The following HPS3 variants were observed in gnomAD, a reference collection of about 807,000 sequenced individuals.
The protein encoded by HPS3 is BLOC-2 complex member HPS3.
In HPS3, 79 loss-of-function variants were observed where a neutral mutation model predicts 110.9. That is an observed-to-expected ratio of 0.71 (90% CI 0.59 to 0.86). The LOEUF is 0.86. HPS3 is among the 40% of genes least tolerant of loss of function. The probability of loss-of-function intolerance (pLI) is 0.00; values close to 1 mark genes in which losing one functional copy is unlikely to be tolerated. For synonymous variants in HPS3, 428 were observed against 451.0 expected, an observed-to-expected ratio of 0.95 and a Z score of 0.65; for missense variants, 1,197 against 1,206.2, an observed-to-expected ratio of 0.99 and a Z score of 0.11.
At position 149,163,927 on chromosome 3, in the gene HPS3, CAGA is replaced by C; in HGVS notation, c.2571_2573del (p.Glu857del). Reference sequence around the variant, plus strand: ...GATTCTTTAGCTGATAAAAATTATACAGAAGATCTTTCAAAATTACAGGTAAGT... The same window carrying C: ...GATTCTTTAGCTGATAAAAATTATACAGATCTTTCAAAATTACAGGTAAGT... On this transcript the variant is annotated inframe_deletion, in exon 14 of 17. Transcript: ENST00000296051. 1 of 1,537,498 alleles carries C rather than the reference CAGA, an allele frequency of 6.5e-7. No individual in the cohort carries two copies. The highest frequency in any genetic ancestry group is 1.4e-5 in the African/African-American group (1 of 74,006).
intron 16 of HPS3, 23 bp downstream of exon 16, chr3:149,168,006 T>G: frequency 7.6e-7 from 1 of 1,313,288 alleles, no homozygotes; most frequent in Non-Finnish European, 1.1e-6. Context: ...TTTTTTTGCT[T>G]GATTATAAAC....
chr3:149,130,476 C>T (rs1179477011), intron 1 of HPS3: 2 of 155,310 alleles, frequency 1.3e-5, no homozygotes, highest in Admixed American at 6.3e-5. Context: ...CAGACTGCCC[C>T]CCTCTCTTCT....
At position 149,162,741 on chromosome 3, in the gene HPS3, T is replaced by C. The variant is rs1724001915; in HGVS notation, c.2344T>C (p.Trp782Arg). ...DTIPQLLVDFWEAQLVACLPD... is the reference protein window; with the variant it reads ...DTIPQLLVDFREAQLVACLPD... The stretch of plus-strand genomic sequence containing the variant: ...AATTCCTCAGCTCTTGGTAGACTTT[T>C]GGGAAGCTCAGCTAGTGGCATGTCT... Residue 782 changes from tryptophan (W) to arginine (R), a missense_variant, in exon 13 of 17, where the codon TGG becomes CGG. By Grantham distance (101) the Trp-to-Arg change is moderately radical (BLOSUM62 -3). Coordinates refer to ENST00000296051, the MANE Select transcript of HPS3 (RefSeq NM_032383.5). The C allele has an allele frequency of 6.2e-7, 1 of 1,613,940 alleles. No individual in the cohort carries two copies. The highest frequency in any genetic ancestry group is 1.3e-5 in the African/African-American group (1 of 74,912).
chr3:149,136,568 G>A (rs577146441), intron 1 of HPS3, among the ~76,000 whole-genome samples: 14 of 152,202 alleles, frequency 9.2e-5, no homozygotes, highest in African/African-American at 2.4e-4. Context: ...TAATTTGTTC[G>A]TTGTGTTGCC....
intron 10 of HPS3, 124 bp from the exon 11 acceptor site, chr3:149,159,922 C>A: frequency 1.4e-6 from 1 of 727,664 alleles, no homozygotes; most frequent in Non-Finnish European, 2.5e-6. Flanking sequence ...AAACATAATA[C>A]TATAATTTTA....
At chr3:149,169,480 G>A (rs1724764902) in intron 16 of HPS3, among the ~76,000 whole-genome samples, 2 of 152,222 alleles carry the variant, frequency 1.3e-5, no homozygotes. Flanking sequence ...TACATGCTTA[G>A]GAGTTTGGAT....
intron 11 of HPS3, 96 bp downstream of exon 11, chr3:149,160,375 T>G (rs558584515): frequency 1.2e-6 from 1 of 815,744 alleles, no homozygotes; most frequent in East Asian, 2.6e-5. Flanking sequence ...AGCTTATATA[T>G]TCTTGGTTGT....
Position 149,157,425 on chromosome 3 carries a change from G to T in HPS3, c.1585G>T (p.Val529Leu). The T allele has an allele frequency of 1.9e-6, 3 of 1,613,934 alleles. No individual in the cohort carries two copies. Among genetic ancestry groups the T allele is most frequent in the Non-Finnish European group, 2.5e-6 (3 of 1,179,886 alleles). Residue 529 changes from valine to leucine, a missense_variant, in exon 9 of 17, where the codon GTG becomes TTG. Physicochemically the swap from Val to Leu is conservative, Grantham distance 32. Transcript: ENST00000296051. ...CCTTCTCAGTGAGGCTCATCTGTTA[G>T]TGCGAGCTGCCCTGATGGATGCCAG... ...IHLLSEAHLL[V>L]RAALMDASQL...
chr3:149,142,669 AGT>A (rs1722545318), intron 4 of HPS3, among the ~76,000 whole-genome samples: 5 of 151,874 alleles, frequency 3.3e-5, no homozygotes, highest in Admixed American at 6.5e-5. Context: ...TTTTTCTTTT[AGT>A]AAATATTTAT....
chr3:149,143,244 A>G (rs924858990), intron 4 of HPS3, among the ~76,000 whole-genome samples: 4 of 152,146 alleles, frequency 2.6e-5, no homozygotes, highest in African/African-American at 4.8e-5. Context: ...CTTCATCCAT[A>G]GTGGCCTTTC....
At chr3:149,167,820 T>C in intron 15 of HPS3, 73 bp from the exon 16 acceptor site, 1 of 924,786 alleles carries the variant, frequency 1.1e-6, no homozygotes, top group South Asian at 1.3e-5. Flanking sequence ...TCCTGCACAA[T>C]CTTCTTATTC....
intron 6 of HPS3, among the ~76,000 whole-genome samples, chr3:149,151,026 G>A (rs1723070111): frequency 2.0e-5 from 3 of 150,872 alleles, no homozygotes; most frequent in South Asian, 2.1e-4. Flanking sequence ...TAATTTTTTC[G>A]AGGCAGGGTC....
At chr3:149,133,988 T>TTA (rs376461926) in intron 1 of HPS3, among the ~76,000 whole-genome samples, 5,267 of 151,894 alleles carry the variant, frequency 0.035, 101 homozygotes, top group African/African-American at 0.054. Flanking sequence ...TGTTTTTTTT[T>TTA]AAAAAAAATG....
chr3:149,129,891 C>G lies in HPS3; in HGVS notation c.168C>G (p.Cys56Trp). The G allele has an allele frequency of 6.3e-7, 1 of 1,586,390 alleles. No individual in the cohort carries two copies. Among genetic ancestry groups the G allele is most frequent in the Non-Finnish European group, 8.5e-7 (1 of 1,172,148 alleles). ...VAGQELCQPRCAFSTLGRVLR... is the reference protein window; with the variant it reads ...VAGQELCQPRWAFSTLGRVLR... ...GCCAGGAGCTGTGCCAGCCGCGGTG[C>G]GCCTTCTCCACGCTGGGCCGGGTGT... Residue 56 changes from cysteine to tryptophan, a missense_variant, in exon 1 of 17, where the codon TGC becomes TGG. Transcript: ENST00000296051.
intron 14 of HPS3, 106 bp from the exon 15 acceptor site, chr3:149,166,928 T>A: frequency 1.2e-6 from 1 of 857,958 alleles, no homozygotes; most frequent in Non-Finnish European, 2.0e-6. Flanking sequence ...TTCTTTCTAT[T>A]TTATTTTTGG....
rs1725054345 is a variant in HPS3, at chr3:149,172,119, A to T, written c.2912A>T (p.Glu971Val). The change falls in exon 17 of 17, where the codon GAA (glutamate) becomes GTA (valine). Residue 971 changes from glutamate to valine, a missense_variant. Glu to Val is a moderately radical substitution (Grantham distance 121, BLOSUM62 -2). Transcript: ENST00000296051. ...GAAACATTGTCAATTGTTGCTGTGG[A>T]ACTAGAACTGAAGGATTTCATGAAT... Reference protein sequence around the residue: ...LKETLSIVAVELELKDFMNVL... With the variant: ...LKETLSIVAVVLELKDFMNVL... 1.2e-6 allele frequency: 2 copies of T among 1,613,074 alleles called. No homozygotes were observed. The highest frequency in any genetic ancestry group is 2.7e-5 in the African/African-American group (2 of 74,910).
rs1200676922 is a variant in HPS3 at position 149,172,316 on chromosome 3, T to TCACAC, written c.*94_*95insCACAC. On this transcript the variant is annotated 3_prime_UTR_variant, in exon 17 of 17. Transcript: ENST00000296051. ...AAGTAGAGGAGTTTTTTATTTTATA[T>TCACAC]ATCACACACACACACACACACACAC... is the stretch of plus-strand genomic sequence containing the variant. The TCACAC allele has an allele frequency of 8.8e-6, 6 of 681,198 alleles. No homozygotes were observed. Among genetic ancestry groups the TCACAC allele is most frequent in the African/African-American group, 2.6e-5 (1 of 38,812 alleles). The allele number at this position is 681,198 out of a possible 1,614,324, so 42.2% of individuals were successfully genotyped here.
Position 149,172,402 on chromosome 3 carries a change from G to A in HPS3, c.*180G>A. The A allele has an allele frequency of 1.8e-6, 1 of 546,206 alleles. No individual in the cohort carries two copies. Among genetic ancestry groups the A allele is most frequent in the Non-Finnish European group, 3.3e-6 (1 of 303,944 alleles). 33.8% of individuals were successfully genotyped at this position (546,206 alleles called of 1,614,324 possible). A position where few individuals can be genotyped will look rare whatever the true frequency, so the allele number is the denominator to read the frequency against. ...AGGCTGCTTACCTTACCGTGTAGTG[G>A]TAACTATTCACTTCTTAATTTATGA... On this transcript the variant is annotated 3_prime_UTR_variant, in exon 17 of 17. Transcript: ENST00000296051.
chr3:149,158,543 T>C, intron 9 of HPS3, 123 bp from the exon 10 acceptor site: 6 of 958,364 alleles, frequency 6.3e-6, no homozygotes, highest in Admixed American at 1.7e-5. Flanking sequence ...ATCCCAGCAC[T>C]TTGGGAGGCT....
Sources: allele counts gnomAD v4.1 joint callset (sites outside exome capture counted in the v4.1 genomes callset), GRCh38; gene constraint gnomAD v4.1.1; transcripts MANE v1.5; gene names NCBI Gene and HGNC (gene_info 2026-07-23, HGNC 2026-07-21).